HNF4G: variants seen among roughly 807,000 people sequenced by gnomAD.
HNF4G encodes hepatocyte nuclear factor 4 gamma.
A neutral mutation model predicts 50.9 loss-of-function variants in HNF4G; 21 were observed. That is an observed-to-expected ratio of 0.41 (90% CI 0.29 to 0.59). The LOEUF (loss-of-function observed/expected upper bound fraction) is 0.59. Among genes scored for constraint, HNF4G ranks in the 20% least tolerant of loss-of-function variants. HNF4G has a pLI of 0.26. For synonymous variants in HNF4G, 198 were observed against 185.6 expected (o/e 1.07, Z -0.54); for missense variants, 527 against 559.4 (o/e 0.94, Z 0.58).
In HNF4G at chr8:75,423,826, T is replaced by TC. The variant is rs1199275394; in HGVS notation, c.-144+15664_-144+15665insC. ...TGCCAAGTTTCTTTCTTTTTTTTTT[T>TC]TTTTTTTTTTTTTTTTGATAAGGAG... is the stretch of plus-strand genomic sequence containing the variant. On this transcript the variant is annotated intron_variant, in intron 1 of 10. Transcript: ENST00000354370. 3.8e-4 allele frequency among the ~76,000 whole-genome samples: 46 copies of TC among 122,076 alleles called. 1 individual carries two copies. In the South Asian group the frequency reaches 8.3e-3, roughly 22 times the overall value. 80.1% of individuals were successfully genotyped at this position (122,076 alleles called of 152,430 possible).
chr8:75,472,436 C>G (rs7000671), intron 1 of HNF4G, among the ~76,000 whole-genome samples: 1 of 152,070 alleles, frequency 6.6e-6, no homozygotes, highest in Non-Finnish European at 1.5e-5. Flanking sequence ...TAGCCGAACC[C>G]TCTCAACTTG....
chr8:75,498,205 A>G (rs1281457201), intron 2 of HNF4G, among the ~76,000 whole-genome samples: 1 of 152,126 alleles, frequency 6.6e-6, no homozygotes, highest in African/African-American at 2.4e-5. Flanking sequence ...CCCATATCCA[A>G]TTTTTGGGTC....
intron 1 of HNF4G, among the ~76,000 whole-genome samples, chr8:75,478,449 G>A (rs971257939): frequency 1.3e-5 from 2 of 152,160 alleles, no homozygotes; most frequent in Non-Finnish European, 2.9e-5. Context: ...TTGTACAGCG[G>A]ATTTTCAAAC....
intron 2 of HNF4G, among the ~76,000 whole-genome samples, chr8:75,528,964 G>A (rs1806251554): frequency 6.6e-6 from 1 of 152,038 alleles, no homozygotes; most frequent in Non-Finnish European, 1.5e-5. Flanking sequence ...GGCAGCAGGA[G>A]AGAAAGAAGG....
chr8:75,465,043 A>G (rs1478036312), intron 1 of HNF4G, among the ~76,000 whole-genome samples: 1 of 152,180 alleles, frequency 6.6e-6, no homozygotes, highest in East Asian at 1.9e-4. Flanking sequence ...GCATCCTTCA[A>G]TAGAGGGAGT....
At chr8:75,457,706 T>C (rs928241348) in intron 1 of HNF4G, among the ~76,000 whole-genome samples, 5 of 152,126 alleles carry the variant, frequency 3.3e-5, no homozygotes, top group Admixed American at 2.0e-4. Context: ...GTGGAATATC[T>C]AGGGCAGGCA....
chr8:75,527,152 G>A (rs1585923932), intron 2 of HNF4G: 1 of 152,084 alleles, frequency 6.6e-6, no homozygotes, highest in African/African-American at 2.4e-5. Context: ...GTTTAAAATG[G>A]TCCTCAAGCA....
At chr8:75,419,157 A>G (rs1167096821) in intron 1 of HNF4G, among the ~76,000 whole-genome samples, 2 of 152,236 alleles carry the variant, frequency 1.3e-5, no homozygotes, top group African/African-American at 2.4e-5. Flanking sequence ...AGTTCTGTGG[A>G]CATGCATGTT....
chr8:75,408,797 T>C (rs1301979670), intron 1 of HNF4G, among the ~76,000 whole-genome samples: 2 of 152,212 alleles, frequency 1.3e-5, no homozygotes, highest in African/African-American at 4.8e-5. Flanking sequence ...AGTTTTCACT[T>C]GCGGGCAAGG....
intron 2 of HNF4G, among the ~76,000 whole-genome samples, chr8:75,504,268 CA>C (rs1813012658): frequency 2.4e-5 from 2 of 82,246 alleles, no homozygotes; most frequent in South Asian, 3.2e-4. Flanking sequence ...CACACACACA[CA>C]CACACACCAA....
At chr8:75,466,349 T>C (rs1051236747) in intron 1 of HNF4G, among the ~76,000 whole-genome samples, 1 of 152,142 alleles carries the variant, frequency 6.6e-6, no homozygotes, top group East Asian at 1.9e-4. Flanking sequence ...GTCAAGTTTA[T>C]TTTTATAGAT....
intron 2 of HNF4G, among the ~76,000 whole-genome samples, chr8:75,531,090 G>A (rs1806315004): frequency 6.6e-6 from 1 of 151,882 alleles, no homozygotes; most frequent in Admixed American, 6.6e-5. Flanking sequence ...CACCATGCCC[G>A]GCCTCAATGT....
chr8:75,506,579 T>C (rs1330407610), intron 2 of HNF4G, among the ~76,000 whole-genome samples: 1 of 152,202 alleles, frequency 6.6e-6, no homozygotes, highest in Non-Finnish European at 1.5e-5. Context: ...ATATTTTGAT[T>C]ACTACAATGT....
intron 1 of HNF4G, among the ~76,000 whole-genome samples, chr8:75,477,626 T>C (rs1241632676): frequency 6.6e-6 from 1 of 151,948 alleles, no homozygotes; most frequent in African/African-American, 2.4e-5. Context: ...TTGCATTTCT[T>C]TGTATTACTA....
chr8:75,495,053 A>T (rs1173650205), intron 2 of HNF4G, among the ~76,000 whole-genome samples: 1 of 152,174 alleles, frequency 6.6e-6, no homozygotes, highest in Non-Finnish European at 1.5e-5. Flanking sequence ...AAGACAGAAT[A>T]AGATGAATAT....
intron 1 of HNF4G, among the ~76,000 whole-genome samples, chr8:75,480,717 C>CTTTTTTTTT (rs748221253): frequency 3.2e-5 from 4 of 123,920 alleles, no homozygotes; most frequent in African/African-American, 3.3e-5. Flanking sequence ...TTTTCTTTTT[C>CTTTTTTTTT]TTTCTTTTTT....
chr8:75,485,811 C>G (rs1812484845), intron 1 of HNF4G: 1 of 152,090 alleles, frequency 6.6e-6, no homozygotes, highest in African/African-American at 2.4e-5. Flanking sequence ...CGTCCCTGCT[C>G]TTGAAGTAAG....
intron 1 of HNF4G, among the ~76,000 whole-genome samples, chr8:75,457,055 T>A (rs1342996701): frequency 6.6e-6 from 1 of 152,220 alleles, no homozygotes; most frequent in East Asian, 1.9e-4. Flanking sequence ...TTTTAACTAG[T>A]TAATTTGGTT....
At chr8:75,520,115 G>GT (rs2130743650) in intron 2 of HNF4G, among the ~76,000 whole-genome samples, 1 of 150,870 alleles carries the variant, frequency 6.6e-6, no homozygotes, top group South Asian at 2.1e-4. Context: ...GTGCTTTTTA[G>GT]TTTTTTGTTG....
Sources: gnomAD v4.1 joint callset for allele counts (sites outside exome capture counted in the v4.1 genomes callset) on GRCh38, gnomAD v4.1.1 for gene constraint, MANE v1.5 for transcripts, NCBI Gene and HGNC (gene_info 2026-07-23, HGNC 2026-07-21) for gene names.